Variants in NDUFAF2 observed in about 807,000 individuals in gnomAD.
NDUFAF2 encodes the protein NADH:ubiquinone oxidoreductase complex assembly factor 2.
Under a neutral mutation model 22.8 loss-of-function variants are expected in NDUFAF2, and 13 were observed. That is an observed-to-expected ratio of 0.57 (90% CI 0.37 to 0.91). The LOEUF (loss-of-function observed/expected upper bound fraction) is 0.91. Ranked by LOEUF, NDUFAF2 falls within the 40% of genes least tolerant of loss-of-function variation. The pLI is 0.01. For missense variants in NDUFAF2, 162 were observed against 195.2 expected (o/e 0.83, Z 1.01); for synonymous variants, 53 against 64.2 (o/e 0.83, Z 0.84).
At chr5:61,071,572 G>T (rs1413345664) in intron 1 of NDUFAF2, among the ~76,000 whole-genome samples, 2 of 152,198 alleles carry the variant, frequency 1.3e-5, no homozygotes, top group Non-Finnish European at 2.9e-5. Context: ...AGAGAGATTT[G>T]CAGGCATCAA....
intron 1 of NDUFAF2, among the ~76,000 whole-genome samples, chr5:60,987,100 C>T (rs924028386): frequency 3.3e-5 from 5 of 151,854 alleles, no homozygotes; most frequent in Admixed American, 6.6e-5. Context: ...AGAATGTTAC[C>T]GCTGACCCCA....
At chr5:60,996,611 G>A (rs1475468013) in intron 1 of NDUFAF2, among the ~76,000 whole-genome samples, 4 of 152,266 alleles carry the variant, frequency 2.6e-5, no homozygotes, top group African/African-American at 9.6e-5. Context: ...ATTCATCCAA[G>A]AGTTGCAATC....
At chr5:61,129,893 T>A (rs1274331078) in intron 3 of NDUFAF2, among the ~76,000 whole-genome samples, 1 of 152,102 alleles carries the variant, frequency 6.6e-6, no homozygotes, top group African/African-American at 2.4e-5. Context: ...AACCTAGGCA[T>A]GTTAAAAAGA....
chr5:60,986,995 G>T (rs76022518), intron 1 of NDUFAF2, among the ~76,000 whole-genome samples: 3,598 of 149,548 alleles, frequency 0.024, 62 homozygotes, highest in Non-Finnish European at 0.038. Flanking sequence ...GAATCCAGGA[G>T]ATAGTTTTTT....
At chr5:61,126,374 A>T (rs1259213437) in intron 3 of NDUFAF2, among the ~76,000 whole-genome samples, 1 of 152,062 alleles carries the variant, frequency 6.6e-6, no homozygotes, top group Non-Finnish European at 1.5e-5. Flanking sequence ...GGTTTATTTT[A>T]GTGAGGATTA....
At chr5:61,099,335 C>T (rs891067252) in intron 3 of NDUFAF2, among the ~76,000 whole-genome samples, 2 of 151,178 alleles carry the variant, frequency 1.3e-5, no homozygotes, top group African/African-American at 4.8e-5. Flanking sequence ...CAGTTTGCAC[C>T]AGGTTATTTC....
At chr5:61,021,407 C>T (rs576775630) in intron 1 of NDUFAF2, among the ~76,000 whole-genome samples, 80 of 152,226 alleles carry the variant, frequency 5.3e-4, no homozygotes, top group Non-Finnish European at 2.9e-5. Context: ...TAACTCTGAC[C>T]CTTCTATCTC....
intron 1 of NDUFAF2, among the ~76,000 whole-genome samples, chr5:60,976,813 T>G (rs887251955): frequency 6.6e-6 from 1 of 152,188 alleles, no homozygotes; most frequent in Non-Finnish European, 1.5e-5. Context: ...ACCTGATACG[T>G]TATTCTATGC....
chr5:61,040,278 ACACACACACGCGCG>A (rs1308872564), intron 1 of NDUFAF2, among the ~76,000 whole-genome samples: 21 of 128,902 alleles, frequency 1.6e-4, no homozygotes, highest in African/African-American at 4.1e-4. Flanking sequence ...ACACACACAC[ACACACACACGCGCG>A]CGCGCGCGCG....
intron 3 of NDUFAF2, among the ~76,000 whole-genome samples, chr5:61,127,331 A>C (rs1753050235): frequency 6.6e-6 from 1 of 152,096 alleles, no homozygotes; most frequent in African/African-American, 2.4e-5. Flanking sequence ...GAGACAAAAC[A>C]AAAAAAGACA....
rs755078834 is a variant in NDUFAF2 at position 60,945,317 on chromosome 5, A to C, written c.62A>C (p.Glu21Ala). 1.2e-6 allele frequency: 2 copies of C among 1,614,100 alleles called. No individual in the cohort carries two copies. Among genetic ancestry groups the C allele is most frequent in the Non-Finnish European group, 1.7e-6 (2 of 1,180,002 alleles). ...AGATCGCTGTCAAGGGAAGTGAAGG[A>C]GCACGTGGGCACGGACCAATTCGGG... ...LWRSLSREVKEHVGTDQFGNK... is the reference protein window; with the variant it reads ...LWRSLSREVKAHVGTDQFGNK... Residue 21 changes from glutamate (E) to alanine (A), a missense_variant, in exon 1 of 4, where the codon GAG (glutamate) becomes GCG (alanine). Transcript: ENST00000296597.
intron 1 of NDUFAF2, among the ~76,000 whole-genome samples, chr5:60,980,326 A>G (rs1750960358): frequency 6.6e-6 from 1 of 152,232 alleles, no homozygotes; most frequent in Non-Finnish European, 1.5e-5. Context: ...ACCAGTGACC[A>G]GTACTGGAGA....
In NDUFAF2 at chr5:61,112,888, CT is replaced by C. The variant is rs35786013; in HGVS notation, c.258+13869del. 7.0e-4 allele frequency among the ~76,000 whole-genome samples: 99 copies of C among 141,102 alleles called. 1 individual carries two copies. Among genetic ancestry groups the C allele is most frequent in the African/African-American group, 1.1e-3 (43 of 38,494 alleles). The allele number at this position is 141,102 out of a possible 152,430, so 92.6% of individuals were successfully genotyped here. On this transcript the variant is annotated intron_variant, in intron 3 of 3. Coordinates refer to ENST00000296597, the MANE Select transcript of NDUFAF2 (RefSeq NM_174889.5). Reference sequence around the variant, plus strand: ...TGTGGTGGTTATGTTTTAGTTTATTCTTTTTTTTTTTTTGTATCTGTTGTAT... The same window carrying C: ...TGTGGTGGTTATGTTTTAGTTTATTCTTTTTTTTTTTTGTATCTGTTGTAT...
At chr5:60,976,448 C>A (rs918830221) in intron 1 of NDUFAF2, among the ~76,000 whole-genome samples, 1 of 152,016 alleles carries the variant, frequency 6.6e-6, no homozygotes. Context: ...CTGTCCTCCG[C>A]ACTTATGTTG....
chr5:61,099,091 C>A, intron 3 of NDUFAF2, 59 bp downstream of exon 3: 2 of 1,225,028 alleles, frequency 1.6e-6, no homozygotes, highest in Non-Finnish European at 2.3e-6. Context: ...ATATACGAAG[C>A]TTCAGAAAAA....
At chr5:60,992,449 A>C (rs1751173208) in intron 1 of NDUFAF2, among the ~76,000 whole-genome samples, 1 of 152,066 alleles carries the variant, frequency 6.6e-6, no homozygotes, top group Non-Finnish European at 1.5e-5. Context: ...TTTAGATGTA[A>C]GTTTTTTTAA....
At chr5:61,030,292 T>C (rs1013700098) in intron 1 of NDUFAF2, among the ~76,000 whole-genome samples, 34 of 152,216 alleles carry the variant, frequency 2.2e-4, no homozygotes, top group Middle Eastern at 3.4e-3. Context: ...ATGGTTCTGA[T>C]TGTGTAGGCA....
chr5:60,999,981 AT>A lies in NDUFAF2; in HGVS notation c.127+54607del, dbSNP rs554938362. 3.9e-5 allele frequency among the ~76,000 whole-genome samples: 6 copies of A among 152,012 alleles called. No individual in the cohort carries two copies. The South Asian group carries it at 1.2e-3, about 32-fold the overall frequency. ...TGTTTAGAATTCCAGATTGAGAGAA[AT>A]TTTTTTTGGTCTGGAATTTGCATAA... is the stretch of plus-strand genomic sequence containing the variant. On this transcript the variant is annotated intron_variant, in intron 1 of 3. Transcript: ENST00000296597.
At chr5:61,054,401 C>T (rs1437378059) in intron 1 of NDUFAF2, among the ~76,000 whole-genome samples, 1 of 152,032 alleles carries the variant, frequency 6.6e-6, no homozygotes, top group Non-Finnish European at 1.5e-5. Flanking sequence ...GTGTCATAAA[C>T]ACTGATCAAG....
Sources: gnomAD v4.1 joint callset for allele counts (sites outside exome capture counted in the v4.1 genomes callset) on GRCh38, gnomAD v4.1.1 for gene constraint, MANE v1.5 for transcripts, NCBI Gene and HGNC (gene_info 2026-07-23, HGNC 2026-07-21) for gene names.